Variants in TRAF5 observed in about 807,000 individuals in gnomAD.
The protein encoded by TRAF5 is TNF receptor-associated factor 5.
Under a neutral mutation model 64.5 loss-of-function variants are expected in TRAF5, and 48 were observed. The ratio of observed to expected loss-of-function variants is 0.74; its 90% CI spans 0.59 to 0.95. The LOEUF (loss-of-function observed/expected upper bound fraction) is 0.95, where lower values mean the gene tolerates loss of function less well. Ranked by LOEUF, TRAF5 falls within the 40% of genes least tolerant of loss-of-function variation. The probability of loss-of-function intolerance (pLI) is 0.00; values close to 1 mark genes in which losing one functional copy is unlikely to be tolerated. For synonymous variants in TRAF5, 206 were observed against 240.5 expected, an observed-to-expected ratio of 0.86 and a Z score of 1.33; for missense variants, 545 against 662.8, an observed-to-expected ratio of 0.82 and a Z score of 1.95.
At chr1:211,328,388 G>T (rs1702073135) in intron 1 of TRAF5, among the ~76,000 whole-genome samples, 1 of 152,204 alleles carries the variant, frequency 6.6e-6, no homozygotes, top group African/African-American at 2.4e-5. Flanking sequence ...CTGGACAGAG[G>T]CAGGAGAAAG....
chr1:211,341,595 C>T (rs1209938373), intron 1 of TRAF5, among the ~76,000 whole-genome samples: 1 of 152,086 alleles, frequency 6.6e-6, no homozygotes, highest in Non-Finnish European at 1.5e-5. Flanking sequence ...ATAAAGGACA[C>T]AGGTCTGTGG....
rs76753063 is a variant in TRAF5 at position 211,328,428 on chromosome 1, G to T, written c.-2+1539G>T. ...TGAGCCAGCATCTGGAACATGGGAAGTGATGGAGAAGGCGACTTCTCCCAC... is the reference window on the plus strand; with the variant it reads ...TGAGCCAGCATCTGGAACATGGGAATTGATGGAGAAGGCGACTTCTCCCAC... On this transcript the variant is annotated intron_variant, in intron 1 of 10. Coordinates refer to ENST00000261464, the MANE Select transcript of TRAF5 (RefSeq NM_001033910.3). 2.8e-3 allele frequency among the ~76,000 whole-genome samples: 429 copies of T among 152,358 alleles called. 10 individuals carry two copies. The East Asian group carries it at 0.061, about 22-fold the overall frequency.
Position 211,361,144 on chromosome 1 carries a change from C to G in TRAF5, c.678C>G (p.His226Gln). 1 of 1,614,154 alleles carries G rather than the reference C, an allele frequency of 6.2e-7. No individual in the cohort carries two copies. Among genetic ancestry groups the G allele is most frequent in the Non-Finnish European group, 8.5e-7 (1 of 1,179,998 alleles). ...PEAEQDCPFK[H>Q]YGCAVTDKRR... ...CTGAGCAAGACTGTCCTTTTAAGCA[C>G]TATGGCTGTGCTGTAACGGTATGGA... is the stretch of plus-strand genomic sequence containing the variant. Residue 226 changes from histidine (H) to glutamine (Q), a missense_variant, in exon 7 of 11, where the codon CAC becomes CAG. By Grantham distance (24) the His-to-Gln change is conservative. Coordinates refer to ENST00000261464, the MANE Select transcript of TRAF5 (RefSeq NM_001033910.3).
chr1:211,327,757 TATCTCGCTGTGGCAGGCAGAGCTGCCTCA>T, intron 1 of TRAF5, among the ~76,000 whole-genome samples: 1 of 152,234 alleles, frequency 6.6e-6, no homozygotes, highest in Admixed American at 6.5e-5. Flanking sequence ...AGAACTCAGT[TATCTCGCTGTGGCAGGCAGAGCTGCCTCA>T]GGCGAGCATT....
intron 1 of TRAF5, among the ~76,000 whole-genome samples, chr1:211,345,925 C>T (rs1400906977): frequency 6.6e-6 from 1 of 152,244 alleles, no homozygotes; most frequent in African/African-American, 2.4e-5. Context: ...GCCTGGAAAA[C>T]AGTTTGCGGC....
intron 1 of TRAF5, among the ~76,000 whole-genome samples, chr1:211,351,611 T>C (rs1486534359): frequency 6.6e-6 from 1 of 152,138 alleles, no homozygotes; most frequent in East Asian, 1.9e-4. Flanking sequence ...TTTATGTTTA[T>C]GTCTGTGATC....
chr1:211,368,673 A>G (rs1703429591), intron 8 of TRAF5, among the ~76,000 whole-genome samples: 1 of 152,222 alleles, frequency 6.6e-6, no homozygotes, highest in Non-Finnish European at 1.5e-5. Flanking sequence ...GATTGAATGG[A>G]TATGGGAATA....
intron 9 of TRAF5, among the ~76,000 whole-genome samples, chr1:211,371,044 CAG>C (rs1398321749): frequency 1.3e-5 from 2 of 151,952 alleles, no homozygotes; most frequent in Non-Finnish European, 2.9e-5. Context: ...CAGAGGGAAA[CAG>C]AGGGAGGATA....
chr1:211,366,337 GT>G (rs1703349558), intron 8 of TRAF5, among the ~76,000 whole-genome samples: 1 of 152,154 alleles, frequency 6.6e-6, no homozygotes, highest in Admixed American at 6.5e-5. Context: ...CCTAGTAACC[GT>G]TCCCAAGTTT....
Position 211,353,001 on chromosome 1 carries a change from G to A in TRAF5, c.-1-238G>A, listed in dbSNP as rs201789265. 1.1e-4 allele frequency among the ~76,000 whole-genome samples: 17 copies of A among 152,254 alleles called. No individual in the cohort carries two copies. In the East Asian group the frequency reaches 1.7e-3, roughly 16 times the overall value. On this transcript the variant is annotated intron_variant, in intron 1 of 10. Transcript: ENST00000261464. Reference sequence around the variant, plus strand: ...ACTGATGGACAAAGAACTGAATCTCGTAGAATCTTGCTAGAAGTCATCTGG... The same window carrying A: ...ACTGATGGACAAAGAACTGAATCTCATAGAATCTTGCTAGAAGTCATCTGG...
chr1:211,357,069 C>T (rs748801999), intron 4 of TRAF5: 9 of 152,140 alleles, frequency 5.9e-5, no homozygotes, highest in Non-Finnish European at 1.3e-4. Flanking sequence ...TGAAGTGACC[C>T]CAGCTGCTCT....
intron 1 of TRAF5, among the ~76,000 whole-genome samples, chr1:211,343,451 T>A: frequency 6.6e-6 from 1 of 152,114 alleles, no homozygotes; most frequent in South Asian, 2.1e-4. Context: ...ATATCATATA[T>A]CACCCTGTCT....
At chr1:211,354,320 C>T in intron 2 of TRAF5, 90 bp from the exon 3 acceptor site, 1 of 1,295,442 alleles carries the variant, frequency 7.7e-7, no homozygotes, top group Non-Finnish European at 1.1e-6. Flanking sequence ...CTGCCCAGGG[C>T]TAGAGCATGG....
intron 1 of TRAF5, among the ~76,000 whole-genome samples, chr1:211,346,108 C>T (rs1221089600): frequency 6.6e-6 from 1 of 152,196 alleles, no homozygotes; most frequent in Non-Finnish European, 1.5e-5. Flanking sequence ...CCTCCTTCAT[C>T]TAGAAAATGC....
intron 1 of TRAF5, among the ~76,000 whole-genome samples, chr1:211,347,092 T>G (rs1022367946): frequency 1.3e-5 from 2 of 149,396 alleles, no homozygotes; most frequent in South Asian, 4.3e-4. Flanking sequence ...TTTTGATATG[T>G]TTTTTTTTTC....
chr1:211,332,450 A>G (rs760324069), intron 1 of TRAF5, among the ~76,000 whole-genome samples: 5 of 151,758 alleles, frequency 3.3e-5, no homozygotes, highest in Middle Eastern at 6.8e-3. Context: ...TGTTAGGGAG[A>G]CCCTTGACCC....
intron 1 of TRAF5, among the ~76,000 whole-genome samples, chr1:211,327,789 C>G (rs186280892): frequency 4.5e-4 from 69 of 152,338 alleles, no homozygotes; most frequent in African/African-American, 1.5e-3. Context: ...CTGCCTCAGG[C>G]GAGCATTGAG....
chr1:211,371,609 T>C, intron 10 of TRAF5, 139 bp downstream of exon 10: 1 of 966,152 alleles, frequency 1.0e-6, no homozygotes, highest in Non-Finnish European at 1.5e-6. Context: ...TGAAAGAGAA[T>C]GGTAAGATTC....
intron 2 of TRAF5, 198 bp downstream of exon 2, chr1:211,353,655 T>TTA (rs1702868135): frequency 9.9e-6 from 6 of 603,460 alleles, no homozygotes; most frequent in Admixed American, 3.0e-5. Flanking sequence ...TTACAGATAT[T>TTA]TACCTTTTCT....
Sources: allele counts gnomAD v4.1 joint callset (sites outside exome capture counted in the v4.1 genomes callset), GRCh38; gene constraint gnomAD v4.1.1; transcripts MANE v1.5; gene names NCBI Gene and HGNC (gene_info 2026-07-23, HGNC 2026-07-21).